The following PTPN3 variants were observed in gnomAD, a reference collection of about 807,000 sequenced individuals.
PTPN3 encodes protein tyrosine phosphatase non-receptor type 3.
Under a neutral mutation model 132.7 loss-of-function variants are expected in PTPN3, and 96 were observed. The ratio of observed to expected loss-of-function variants is 0.72; its 90% CI spans 0.61 to 0.86. The LOEUF is 0.86. Among genes scored for constraint, PTPN3 ranks in the 40% least tolerant of loss-of-function variants. The probability of loss-of-function intolerance (pLI) is 0.00; values close to 1 mark genes in which losing one functional copy is unlikely to be tolerated. For missense variants in PTPN3, 1,125 were observed against 1,159.6 expected, an observed-to-expected ratio of 0.97 and a Z score of 0.43; for synonymous variants, 398 against 429.0, an observed-to-expected ratio of 0.93 and a Z score of 0.89.
chr9:109,492,946 T>C (rs1297294508), intron 1 of PTPN3, among the ~76,000 whole-genome samples: 1 of 152,250 alleles, frequency 6.6e-6, no homozygotes, highest in African/African-American at 2.4e-5. Flanking sequence ...ACTCCCAACA[T>C]TCTCTTTGTT....
At chr9:109,440,188 A>C (rs191814964) in intron 7 of PTPN3, among the ~76,000 whole-genome samples, 74 of 152,296 alleles carry the variant, frequency 4.9e-4, no homozygotes, top group African/African-American at 1.7e-3. Flanking sequence ...GAAGGGGAAA[A>C]GGGCAGAGAG....
Position 109,451,227 on chromosome 9 carries a change from A to AT in PTPN3, c.369-2373_369-2372insA, listed in dbSNP as rs1588449566. On this transcript the variant is annotated intron_variant, in intron 5 of 25. Transcript: ENST00000374541. ...AACATAGCAAGACCCTGTTTCAAAA[A>AT]ATATATATATATATCTGGCAGTCCT... The AT allele has an allele frequency of 2.4e-5, 23 of 960,964 alleles. No individual in the cohort carries two copies. In the East Asian group the frequency reaches 5.8e-4, roughly 24 times the overall value. 59.5% of individuals were successfully genotyped at this position (960,964 alleles called of 1,614,324 possible).
intron 16 of PTPN3, among the ~76,000 whole-genome samples, chr9:109,408,851 T>TAC (rs1841828918): frequency 8.1e-6 from 1 of 124,140 alleles, no homozygotes; most frequent in Non-Finnish European, 1.7e-5. Context: ...CTTTAATATA[T>TAC]ATATATATGG....
intron 5 of PTPN3, 92 bp from the exon 6 acceptor site, chr9:109,448,947 T>C (rs1176666767): frequency 3.3e-6 from 5 of 1,532,752 alleles, no homozygotes; most frequent in Non-Finnish European, 4.4e-6. Context: ...AGACAAGAGC[T>C]GTACATGTGA....
chr9:109,410,998 T>A (rs1842036335), intron 14 of PTPN3, among the ~76,000 whole-genome samples: 1 of 152,236 alleles, frequency 6.6e-6, no homozygotes, highest in African/African-American at 2.4e-5. Flanking sequence ...TTCTGTATCG[T>A]GGAGCTGCAC....
chr9:109,430,628 G>A (rs1310450517), intron 10 of PTPN3, among the ~76,000 whole-genome samples: 1 of 152,208 alleles, frequency 6.6e-6, no homozygotes, highest in Non-Finnish European at 1.5e-5. Context: ...TGGAGCCACT[G>A]CCATCCAGAG....
chr9:109,506,145 C>T, the PTPN3 span, among the ~76,000 whole-genome samples: 18 of 152,160 alleles, frequency 1.2e-4, no homozygotes, highest in Admixed American at 1.2e-3. Flanking sequence ...ACCACATATA[C>T]GGACCCTCAG....
chr9:109,485,502 C>T (rs1564483551), intron 1 of PTPN3, among the ~76,000 whole-genome samples: 3 of 151,636 alleles, frequency 2.0e-5, no homozygotes, highest in East Asian at 2.0e-4. Flanking sequence ...AGAGAGACTA[C>T]GTCTCAAGAA....
rs1844560211 is a variant in PTPN3, at chr9:109,442,526, AG to A, written c.466+2713del. Among the ~76,000 whole-genome samples the A allele has an allele frequency of 5.9e-5, 9 of 152,324 alleles. No homozygotes were observed. In the South Asian group the frequency reaches 1.9e-3, roughly 32 times the overall value. On this transcript the variant is annotated intron_variant, in intron 7 of 25. Coordinates refer to ENST00000374541, the MANE Select transcript of PTPN3 (RefSeq NM_002829.4). ...CTTTTTAGGTGCCCACAACTTCTTT[AG>A]CCCCCATTCTATCAGTTCTTTGCAG... is the stretch of plus-strand genomic sequence containing the variant.
intron 25 of PTPN3, 37 bp from the exon 26 acceptor site, chr9:109,379,670 C>G: frequency 3.3e-6 from 5 of 1,536,668 alleles, no homozygotes; most frequent in Non-Finnish European, 4.5e-6. Context: ...TCCTGTAGCT[C>G]CAGGAAATGC....
upstream of PTPN3, among the ~76,000 whole-genome samples, chr9:109,499,406 G>C (rs1847820074): frequency 6.6e-6 from 1 of 152,134 alleles, no homozygotes; most frequent in African/African-American, 2.4e-5. Context: ...ACCCAAAAGA[G>C]CGCCGGACCG....
chr9:109,407,583 C>T lies in PTPN3; in HGVS notation c.1635+738G>A, dbSNP rs372360797. 9.9e-5 allele frequency among the ~76,000 whole-genome samples: 15 copies of T among 152,218 alleles called. 1 individual carries two copies. The East Asian group carries it at 2.1e-3, about 22-fold the overall frequency. On this transcript the variant is annotated intron_variant, in intron 17 of 25. Transcript: ENST00000374541. ...TTTTTGAGACAGAGTCTCACTCTGT[C>T]GCTCAGGCTGGAGTACAGCGGCGTG...
chr9:109,505,975 TCTC>T, the PTPN3 span, among the ~76,000 whole-genome samples: 83 of 152,062 alleles, frequency 5.5e-4, no homozygotes, highest in African/African-American at 1.9e-3. Context: ...ATGGTCTCGA[TCTC>T]CTGACCTCGT....
At chr9:109,492,051 T>C (rs534247159) in intron 1 of PTPN3, among the ~76,000 whole-genome samples, 1 of 152,294 alleles carries the variant, frequency 6.6e-6, no homozygotes, top group East Asian at 1.9e-4. Flanking sequence ...TTGTGTTCCC[T>C]GACACTTTAT....
rs1408786797 is a variant in PTPN3 at position 109,378,113 on chromosome 9, A to G, written c.*1443T>C. On this transcript the variant is annotated 3_prime_UTR_variant, in exon 26 of 26. Transcript: ENST00000374541. ...ATTCAATTGGCACCGAATTTGCTGA[A>G]TATCAAAATGGCTTCATTTATGTGC... 1 of 152,216 alleles carries G rather than the reference A, an allele frequency of 6.6e-6. No individual in the cohort carries two copies. Among genetic ancestry groups the G allele is most frequent in the East Asian group, 1.9e-4 (1 of 5,202 alleles). 9.4% of individuals were successfully genotyped at this position (152,216 alleles called of 1,614,324 possible). A position where few individuals can be genotyped will look rare whatever the true frequency, so the allele number is the denominator to read the frequency against.
intron 1 of PTPN3, among the ~76,000 whole-genome samples, chr9:109,487,078 T>C (rs1847249957): frequency 6.6e-6 from 1 of 152,180 alleles, no homozygotes; most frequent in Non-Finnish European, 1.5e-5. Context: ...TACCCAGAGA[T>C]GATCAGGCCG....
intron 1 of PTPN3, among the ~76,000 whole-genome samples, chr9:109,473,553 G>A (rs1173112289): frequency 2.0e-5 from 3 of 152,132 alleles, no homozygotes; most frequent in Admixed American, 2.0e-4. Context: ...CGGGAGCCGC[G>A]GGCAGTTTCG....
At chr9:109,533,120 T>G in the PTPN3 span, among the ~76,000 whole-genome samples, 1 of 121,408 alleles carries the variant, frequency 8.2e-6, no homozygotes, top group African/African-American at 3.1e-5. Context: ...CCACCATACC[T>G]GGCTAATTTT....
In PTPN3 at chr9:109,449,393, G is replaced by A. The variant is rs116478720; in HGVS notation, c.369-538C>T. On this transcript the variant is annotated intron_variant, in intron 5 of 25. Coordinates refer to ENST00000374541, the MANE Select transcript of PTPN3 (RefSeq NM_002829.4). The stretch of plus-strand genomic sequence containing the variant: ...GCATTCTGTGTCCCAGGAACTGTGG[G>A]TGCATGAGCAAAAGCATAAACATCA... The A allele has an allele frequency of 4.9e-4, 486 of 985,788 alleles. No homozygotes were observed. The African/African-American group carries it at 7.2e-3, about 15-fold the overall frequency. 61.1% of individuals were successfully genotyped at this position (985,788 alleles called of 1,614,324 possible).
Sources: allele counts gnomAD v4.1 joint callset (sites outside exome capture counted in the v4.1 genomes callset), GRCh38; gene constraint gnomAD v4.1.1; transcripts MANE v1.5; gene names NCBI Gene and HGNC (gene_info 2026-07-23, HGNC 2026-07-21).